Variants in CDC40 observed in about 807,000 individuals in gnomAD.
The protein encoded by CDC40 is pre-mRNA-processing factor 17.
CDC40 carries 27 observed loss-of-function variants against 80.6 expected under a neutral mutation model. The observed-to-expected ratio is 0.33, with a 90% CI of 0.25 to 0.46. The LOEUF is 0.46. CDC40 is among the 20% of genes least tolerant of loss of function. The pLI is 1.00. For synonymous variants in CDC40, 221 were observed against 232.6 expected (o/e 0.95, Z 0.45); for missense variants, 486 against 694.1 (o/e 0.70, Z 3.37).
At chr6:110,224,074 A>G (rs973791437) in intron 12 of CDC40, among the ~76,000 whole-genome samples, 2 of 151,732 alleles carry the variant, frequency 1.3e-5, no homozygotes, top group African/African-American at 2.4e-5. Context: ...CTTGTGATCT[A>G]CCCGCCTCAG....
chr6:110,220,648 T>C (rs964706562), intron 12 of CDC40, among the ~76,000 whole-genome samples: 2 of 152,034 alleles, frequency 1.3e-5, no homozygotes, highest in African/African-American at 2.4e-5. Flanking sequence ...GGTTTCACTG[T>C]GTTAGCCAGG....
intron 3 of CDC40, among the ~76,000 whole-genome samples, chr6:110,203,949 C>G (rs967353432): frequency 6.6e-6 from 1 of 152,138 alleles, no homozygotes; most frequent in Non-Finnish European, 1.5e-5. Context: ...TAAATAAATA[C>G]TTTTAGTCTC....
Position 110,230,041 on chromosome 6 carries a change from T to A in CDC40, c.1650T>A (p.Asp550Glu). ...TKLYSRFKAH[D>E]KVCIGAVWHP... ...TCTACAGTCGATTTAAAGCTCATGA[T>A]AAAGTGTGTATAGGTGCAGTGTGGC... is the stretch of plus-strand genomic sequence containing the variant. The change falls in exon 15 of 15, where the codon GAT (aspartate) becomes GAA (glutamate). Residue 550 changes from aspartate to glutamate, a missense_variant. Asp to Glu is a conservative substitution (Grantham distance 45). Around this residue, in one of 3 missense-constraint regions of CDC40, gnomAD observed 88 missense variants for 138.7 expected, o/e 0.63. Coordinates refer to ENST00000307731, the MANE Select transcript of CDC40 (RefSeq NM_015891.3). 2 of 1,612,280 alleles carry A rather than the reference T, an allele frequency of 1.2e-6. No individual in the cohort carries two copies. The highest frequency in any genetic ancestry group is 1.7e-6 in the Non-Finnish European group (2 of 1,178,404).
At chr6:110,229,502 G>A (rs1034212673) in intron 14 of CDC40, among the ~76,000 whole-genome samples, 7 of 152,132 alleles carry the variant, frequency 4.6e-5, no homozygotes, top group African/African-American at 1.7e-4. Flanking sequence ...CAGTAACTTT[G>A]TTTGTTTAGC....
chr6:110,181,025 C>G (rs969114948), intron 1 of CDC40, among the ~76,000 whole-genome samples: 4 of 152,210 alleles, frequency 2.6e-5, no homozygotes, highest in African/African-American at 9.6e-5. Context: ...GGTTCTAATC[C>G]TGGCACCACC....
intron 10 of CDC40, 55 bp from the exon 11 acceptor site, chr6:110,219,309 C>T: frequency 3.8e-6 from 3 of 790,182 alleles, no homozygotes; most frequent in South Asian, 1.7e-5. Context: ...ATCTCACAGT[C>T]ATCTTTAAGT....
At chr6:110,203,519 C>G (rs544980483) in intron 3 of CDC40, among the ~76,000 whole-genome samples, 1 of 152,132 alleles carries the variant, frequency 6.6e-6, no homozygotes, top group Non-Finnish European at 1.5e-5. Context: ...TTCAGTTTTA[C>G]CTCAATCTCA....
At chr6:110,221,655 CT>C (rs1777777788) in intron 12 of CDC40, among the ~76,000 whole-genome samples, 2 of 152,140 alleles carry the variant, frequency 1.3e-5, no homozygotes. Context: ...GTTTTATATA[CT>C]TTAACAGGTT....
At chr6:110,187,819 G>A (rs536343008) in intron 1 of CDC40, among the ~76,000 whole-genome samples, 1 of 152,308 alleles carries the variant, frequency 6.6e-6, no homozygotes, top group South Asian at 2.1e-4. Context: ...CCCACAGGGT[G>A]CCCTTCACTT....
intron 12 of CDC40, among the ~76,000 whole-genome samples, chr6:110,220,516 C>T (rs1469708004): frequency 1.4e-5 from 2 of 142,350 alleles, no homozygotes; most frequent in East Asian, 4.1e-4. Context: ...GCAATCTCAG[C>T]TCACTGCAAG....
At chr6:110,186,021 A>C (rs1777265003) in intron 1 of CDC40, among the ~76,000 whole-genome samples, 1 of 152,212 alleles carries the variant, frequency 6.6e-6, no homozygotes, top group African/African-American at 2.4e-5. Context: ...GCAATGCGAG[A>C]ACCTTAGAAC....
rs868457806 is a variant in CDC40, at chr6:110,201,641, C to G, written c.360C>G (p.Ile120Met). The change falls in exon 3 of 15, where the codon ATC becomes ATG. Residue 120 changes from isoleucine to methionine, a missense_variant. By Grantham distance (10) the Ile-to-Met change is conservative. This residue lies in a region of CDC40 where 381 missense variants were observed against 492.1 expected (regional missense o/e 0.77). Transcript: ENST00000307731. ...MLSGYAEPAH[I>M]NDFMFEQQRR... ...CTGGATATGCCGAACCAGCTCATAT[C>G]AATGATTTCATGTTTGAGCAGCAAA... is the stretch of plus-strand genomic sequence containing the variant. 2 of 1,612,970 alleles carry G rather than the reference C, an allele frequency of 1.2e-6. No individual in the cohort carries two copies. Among genetic ancestry groups the G allele is most frequent in the Middle Eastern group, 3.3e-4 (2 of 6,054 alleles).
intron 14 of CDC40, among the ~76,000 whole-genome samples, chr6:110,229,311 A>C (rs1015983447): frequency 1.3e-5 from 2 of 152,134 alleles, no homozygotes; most frequent in Admixed American, 6.5e-5. Flanking sequence ...TATTGCTATG[A>C]TTGAATGAAC....
intron 12 of CDC40, among the ~76,000 whole-genome samples, chr6:110,221,612 A>C (rs1777777066): frequency 6.6e-6 from 1 of 152,234 alleles, no homozygotes; most frequent in Admixed American, 6.5e-5. Context: ...GATCACTTGC[A>C]CAAACTCTGG....
At chr6:110,201,453 T>G in intron 2 of CDC40, 105 bp from the exon 3 acceptor site, 1 of 792,576 alleles carries the variant, frequency 1.3e-6, no homozygotes, top group Non-Finnish European at 1.9e-6. Context: ...GATAGGTTAA[T>G]AGGCCCTTTT....
At chr6:110,205,654 C>T (rs920841596) in intron 3 of CDC40, among the ~76,000 whole-genome samples, 7 of 152,126 alleles carry the variant, frequency 4.6e-5, no homozygotes, top group Non-Finnish European at 1.0e-4. Flanking sequence ...ACCAGGGATA[C>T]CTCTTCCCTC....
At chr6:110,192,957 A>T (rs778707904) in intron 1 of CDC40, among the ~76,000 whole-genome samples, 7 of 152,194 alleles carry the variant, frequency 4.6e-5, no homozygotes, top group Non-Finnish European at 8.8e-5. Context: ...TTTAGTTTTA[A>T]ATTAAAAAAT....
chr6:110,217,827 C>T, intron 10 of CDC40, 24 bp downstream of exon 10: 3 of 1,116,660 alleles, frequency 2.7e-6, no homozygotes, highest in Non-Finnish European at 2.7e-6. Flanking sequence ...TATGCTAATA[C>T]ACATTCATCT....
intron 3 of CDC40, among the ~76,000 whole-genome samples, chr6:110,203,303 CTT>C (rs1777516542): frequency 6.6e-6 from 1 of 152,076 alleles, no homozygotes; most frequent in Non-Finnish European, 1.5e-5. Context: ...ATAGAAAGTT[CTT>C]ATCTGACTTC....
Sources: allele counts gnomAD v4.1 joint callset (sites outside exome capture counted in the v4.1 genomes callset), GRCh38; gene constraint gnomAD v4.1.1; regional missense constraint gnomAD v4.1.1; transcripts MANE v1.5; gene names NCBI Gene and HGNC (gene_info 2026-07-23, HGNC 2026-07-21).